The following EPN1 variants were observed in gnomAD, a reference collection of about 807,000 sequenced individuals.
The protein encoded by EPN1 is epsin 1.
In EPN1, 25 loss-of-function variants were observed where a neutral mutation model predicts 56.9. The observed-to-expected ratio is 0.44, with a 90% confidence interval of 0.32 to 0.61. EPN1 has a LOEUF of 0.61. Ranked by LOEUF, EPN1 falls within the 20% of genes least tolerant of loss-of-function variation. The pLI, the probability that EPN1 is intolerant of heterozygous loss-of-function variation, is 0.05. For missense variants in EPN1, 785 were observed against 823.7 expected, an observed-to-expected ratio of 0.95 and a Z score of 0.58; for synonymous variants, 411 against 361.8, an observed-to-expected ratio of 1.14 and a Z score of -1.54.
At chr19:55,690,129 C>T (rs1326529989) in intron 6 of EPN1, among the ~76,000 whole-genome samples, 179 bp downstream of exon 6, 2 of 152,220 alleles carry the variant, frequency 1.3e-5, no homozygotes, top group East Asian at 1.9e-4. Flanking sequence ...GGGCTGAGGC[C>T]GGTGACTGAC....
chr19:55,693,184 A>G (rs1259446353), intron 9 of EPN1, 147 bp downstream of exon 9: 9 of 618,000 alleles, frequency 1.5e-5, no homozygotes, highest in Non-Finnish European at 2.5e-5. Flanking sequence ...GTGGGCCAGA[A>G]CCATCCACCT....
intron 2 of EPN1, among the ~76,000 whole-genome samples, chr19:55,684,018 A>G (rs1030094462): frequency 9.2e-5 from 14 of 152,226 alleles, no homozygotes; most frequent in African/African-American, 3.4e-4. Flanking sequence ...TGGACCTGGG[A>G]CTGCCTCTTG....
intron 3 of EPN1, among the ~76,000 whole-genome samples, chr19:55,688,555 G>A (rs887032540): frequency 2.0e-5 from 3 of 152,130 alleles, no homozygotes; most frequent in Admixed American, 1.3e-4. Context: ...CCAGGCACGC[G>A]GAGAGTCCTG....
rs1439982369 is a variant in EPN1, at chr19:55,695,130, G to T, written c.1523-18G>T. On this transcript the variant is annotated intron_variant, in intron 10 of 10. Coordinates refer to ENST00000270460, the MANE Select transcript of EPN1 (RefSeq NM_001130072.2). This position sits in a 1 kb window ranked among gnomAD's most constrained non-coding sequence, Gnocchi z 4.4. ...GCCACTGACTCCACTCCGTGTCTCT[G>T]GTTTACTCTTCCTGCAGGAGGCCCA... 1 of 1,613,616 alleles carries T rather than the reference G, an allele frequency of 6.2e-7. No individual in the cohort carries two copies. Among genetic ancestry groups the T allele is most frequent in the South Asian group, 1.1e-5 (1 of 91,064 alleles).
intron 2 of EPN1, 97 bp downstream of exon 2, chr19:55,678,952 C>T (rs747661520): frequency 2.5e-6 from 2 of 788,030 alleles, no homozygotes; most frequent in Non-Finnish European, 4.1e-6. Context: ...CATCCCGGTT[C>T]TCAAGAGGAA....
chr19:55,693,792 C>T (rs997617139), intron 9 of EPN1, among the ~76,000 whole-genome samples: 4 of 152,086 alleles, frequency 2.6e-5, no homozygotes, highest in South Asian at 2.1e-4. Context: ...CCCACGCTTC[C>T]CTCCTCTCAT....
chr19:55,687,216 C>G (rs904018271), intron 3 of EPN1, among the ~76,000 whole-genome samples: 1 of 152,204 alleles, frequency 6.6e-6, no homozygotes, highest in Non-Finnish European at 1.5e-5. Context: ...CTTAGACCTT[C>G]TCAGGCCAGC....
Position 55,694,751 on chromosome 19 carries a change from G to C in EPN1, c.1290G>C (p.Glu430Asp), listed in dbSNP as rs769533211. The C allele has an allele frequency of 6.3e-7, 1 of 1,583,286 alleles. No individual in the cohort carries two copies. The highest frequency in any genetic ancestry group is 8.6e-7 in the Non-Finnish European group (1 of 1,162,550). ...SAGELELLAG[E>D]VPARSPGAFD... is the part of the protein sequence containing the mutation. The stretch of plus-strand genomic sequence containing the variant: ...GAGAGCTGGAGCTGCTGGCAGGAGA[G>C]GTGCCGGCCCGAAGCCCTGGGGCGT... The change falls in exon 10 of 11, where the codon GAG (glutamate) becomes GAC (aspartate). Residue 430 changes from glutamate to aspartate, a missense_variant. This residue lies in a region of EPN1 where 650 missense variants were observed against 605.0 expected (regional missense o/e 1.07). Coordinates refer to ENST00000270460, the MANE Select transcript of EPN1 (RefSeq NM_001130072.2). The surrounding 1 kb of genome is among the most constrained non-coding windows in gnomAD (Gnocchi z 4.2).
chr19:55,692,842 G>A, intron 8 of EPN1, 46 bp downstream of exon 8: 1 of 1,583,888 alleles, frequency 6.3e-7, no homozygotes, highest in Middle Eastern at 1.7e-4. Context: ...GGAGTGAGTG[G>A]GAGAAGTTAG....
At chr19:55,684,880 C>T (rs1986060604) in intron 2 of EPN1, among the ~76,000 whole-genome samples, 1 of 152,242 alleles carries the variant, frequency 6.6e-6, no homozygotes. Context: ...CTGCCATTTC[C>T]TCTTTTATTT....
chr19:55,682,731 T>A (rs932158968), intron 2 of EPN1, among the ~76,000 whole-genome samples: 12 of 151,976 alleles, frequency 7.9e-5, no homozygotes, highest in African/African-American at 2.7e-4. Flanking sequence ...CTGCACCCGA[T>A]TTTATATATT....
rs897884723 is a variant in EPN1 at position 55,708,925 on chromosome 19, C to A, written c.*13569C>A. 1 of 1,559,220 alleles carries A rather than the reference C, an allele frequency of 6.4e-7. No homozygotes were observed. Among genetic ancestry groups the A allele is most frequent in the Non-Finnish European group, 8.6e-7 (1 of 1,160,382 alleles). The stretch of plus-strand genomic sequence containing the variant: ...GGGTGTTCCCCATCAGAGGAGCACA[C>A]CCCTGATCTTGTATTCCTCGTCAAT... On this transcript the variant is annotated 3_prime_UTR_variant, in exon 11 of 11. Coordinates refer to ENST00000270460, the MANE Select transcript of EPN1 (RefSeq NM_001130072.2).
chr19:55,708,782 A>G lies in EPN1; in HGVS notation c.*13426A>G. On this transcript the variant is annotated 3_prime_UTR_variant, in exon 11 of 11. Transcript: ENST00000270460. ...CACTCCATAATCATATTGCTAGAAC[A>G]CTTAGGGAGTACCTCTGAAATCACA... 1.6e-6 allele frequency: 1 copy of G among 617,018 alleles called. No homozygotes were observed. The highest frequency in any genetic ancestry group is 3.0e-5 in the Admixed American group (1 of 32,808). 38.2% of individuals were successfully genotyped at this position (617,018 alleles called of 1,614,324 possible).
intron 2 of EPN1, among the ~76,000 whole-genome samples, chr19:55,682,407 G>A (rs947922947): frequency 9.2e-5 from 14 of 151,870 alleles, no homozygotes; most frequent in East Asian, 3.9e-4. Context: ...AAGGTTGACC[G>A]TGCTGTTGCA....
rs1353160716 is a variant in EPN1, at chr19:55,704,681, C to T, written c.*9325C>T. 6.6e-6 allele frequency: 1 copy of T among 152,454 alleles called. No individual in the cohort carries two copies. The highest frequency in any genetic ancestry group is 1.9e-4 in the East Asian group (1 of 5,202). 9.4% of individuals were successfully genotyped at this position (152,454 alleles called of 1,614,324 possible). A position where few individuals can be genotyped will look rare whatever the true frequency, so the allele number is the denominator to read the frequency against. On this transcript the variant is annotated 3_prime_UTR_variant, in exon 11 of 11. Transcript: ENST00000270460. The stretch of plus-strand genomic sequence containing the variant: ...ACCCCACAGCACCCTTGCTGTCTCA[C>T]CCCGTATCGCAAAAGCTCACGCATG...
intron 2 of EPN1, among the ~76,000 whole-genome samples, chr19:55,683,065 T>G (rs1405108561): frequency 6.7e-6 from 1 of 149,810 alleles, no homozygotes; most frequent in African/African-American, 2.5e-5. Flanking sequence ...TGTTTTTTGT[T>G]TTTTCTTGAA....
In EPN1 at chr19:55,695,608, T is replaced by C; in HGVS notation, c.*252T>C. On this transcript the variant is annotated 3_prime_UTR_variant, in exon 11 of 11. Coordinates refer to ENST00000270460, the MANE Select transcript of EPN1 (RefSeq NM_001130072.2). This position sits in a 1 kb window ranked among gnomAD's most constrained non-coding sequence, Gnocchi z 4.4. Reference sequence around the variant, plus strand: ...TGGCATTAGAAGGGGGAGGGGTGGCTGGGGCCCCCACCCATTCCCCCTCCC... The same window carrying C: ...TGGCATTAGAAGGGGGAGGGGTGGCCGGGGCCCCCACCCATTCCCCCTCCC... 1 of 495,460 alleles carries C rather than the reference T, an allele frequency of 2.0e-6. No individual in the cohort carries two copies. Among genetic ancestry groups the C allele is most frequent in the Non-Finnish European group, 3.6e-6 (1 of 279,440 alleles). The allele number at this position is 495,460 out of a possible 1,614,324, so 30.7% of individuals were successfully genotyped here.
At chr19:55,678,911 G>A (rs1203435121) in intron 2 of EPN1, 56 bp downstream of exon 2, 1 of 1,310,328 alleles carries the variant, frequency 7.6e-7, no homozygotes, top group Non-Finnish European at 1.1e-6. Flanking sequence ...GGGAGGACAG[G>A]AGCCCGTGTT....
Position 55,694,775 on chromosome 19 carries a change from G to A in EPN1, c.1314G>A (p.Ala438=), listed in dbSNP as rs746504881. The change falls in exon 10 of 11, where the codon GCG becomes GCA. Residue 438 remains alanine (A), a synonymous_variant. Transcript: ENST00000270460. The surrounding 1 kb of genome is among the most constrained non-coding windows in gnomAD (Gnocchi z 4.2). ...AGGTGCCGGCCCGAAGCCCTGGGGCGTTTGACATGAGTGGGGTCAGGGGAT... is the reference window on the plus strand; with the variant it reads ...AGGTGCCGGCCCGAAGCCCTGGGGCATTTGACATGAGTGGGGTCAGGGGAT... ...AGEVPARSPG[A]FDMSGVRGSL... 1.5e-5 allele frequency: 24 copies of A among 1,606,002 alleles called. No homozygotes were observed. Among genetic ancestry groups the A allele is most frequent in the Non-Finnish European group, 1.7e-5 (20 of 1,175,128 alleles).
Sources: gnomAD v4.1 joint callset for allele counts (sites outside exome capture counted in the v4.1 genomes callset) on GRCh38, gnomAD v4.1.1 for gene constraint, gnomAD v4.1.1 regional missense constraint, Gnocchi (gnomAD v3.1) non-coding constraint, MANE v1.5 for transcripts, NCBI Gene and HGNC (gene_info 2026-07-23, HGNC 2026-07-21) for gene names.